The following FGFR1OP2 variants were observed in gnomAD, a reference collection of about 807,000 sequenced individuals.
FGFR1OP2 encodes the protein fibroblast growth factor receptor 1 oncogene partner 2.
In FGFR1OP2, 17 loss-of-function variants were observed where a neutral mutation model predicts 35.2. The ratio of observed to expected loss-of-function variants is 0.48; its 90% confidence interval spans 0.33 to 0.73. FGFR1OP2 has a LOEUF of 0.73. FGFR1OP2 is among the 30% of genes least tolerant of loss of function. The pLI is 0.02. For synonymous variants in FGFR1OP2, 105 were observed against 104.6 expected (o/e 1.00, Z -0.03); for missense variants, 251 against 307.3 (o/e 0.82, Z 1.37).
At chr12:26,958,998 T>C (rs773700077) in intron 4 of FGFR1OP2, among the ~76,000 whole-genome samples, 8 of 152,142 alleles carry the variant, frequency 5.3e-5, no homozygotes, top group Non-Finnish European at 8.8e-5. Flanking sequence ...TTATCTATTA[T>C]TGAAACACAT....
chr12:26,949,211 C>G (rs1201041957), intron 1 of FGFR1OP2, among the ~76,000 whole-genome samples: 1 of 152,112 alleles, frequency 6.6e-6, no homozygotes, highest in African/African-American at 2.4e-5. Context: ...TCTCAGCTCA[C>G]TGCAACCTCC....
chr12:26,956,842 CT>C (rs112845177), intron 3 of FGFR1OP2, among the ~76,000 whole-genome samples, 182 bp downstream of exon 3: 19,990 of 152,122 alleles, frequency 0.13, 1,303 homozygotes, highest in South Asian at 0.16. Context: ...GCTTCATTCT[CT>C]GCAGTCCCAC....
rs199679959 is a variant in FGFR1OP2, at chr12:26,964,762, A to G, written c.*29A>G. ...GTTTCTGAGTCTGTGAGCTTCTTAC[A>G]TGGCTCCAAATGGTCAAATAAGTGA... On this transcript the variant is annotated 3_prime_UTR_variant, in exon 7 of 7. Transcript: ENST00000229395. 16 of 1,591,832 alleles carry G rather than the reference A, an allele frequency of 1.0e-5. No homozygotes were observed. The highest frequency in any genetic ancestry group is 1.3e-5 in the Non-Finnish European group (15 of 1,169,068).
At chr12:26,951,897 TAGAG>T (rs1938934477) in intron 1 of FGFR1OP2, among the ~76,000 whole-genome samples, 1 of 152,188 alleles carries the variant, frequency 6.6e-6, no homozygotes, top group South Asian at 2.1e-4. Flanking sequence ...TTAGGACTGT[TAGAG>T]AGTTCTATTA....
rs1168924529 is a variant in FGFR1OP2 at position 26,966,640 on chromosome 12, TA to T, written c.*1911del. On this transcript the variant is annotated 3_prime_UTR_variant, in exon 7 of 7. Coordinates refer to ENST00000229395, the MANE Select transcript of FGFR1OP2 (RefSeq NM_015633.3). ...TATTTTATTATTAAAGATGAATGAT[TA>T]AAATTGGTATGGTCTCCAATTTAAT... is the stretch of plus-strand genomic sequence containing the variant. 2 of 152,088 alleles carry T rather than the reference TA, an allele frequency of 1.3e-5. No individual in the cohort carries two copies. Among genetic ancestry groups the T allele is most frequent in the Non-Finnish European group, 2.9e-5 (2 of 68,010 alleles). 9.4% of individuals were successfully genotyped at this position (152,088 alleles called of 1,614,324 possible).
intron 1 of FGFR1OP2, among the ~76,000 whole-genome samples, chr12:26,949,166 G>A (rs940259071): frequency 1.3e-5 from 2 of 152,002 alleles, no homozygotes; most frequent in African/African-American, 2.4e-5. Flanking sequence ...ATGGAGTTTC[G>A]CTTTTGTTGC....
Position 26,956,662 on chromosome 12 carries a change from TA to T in FGFR1OP2, c.253+4del. On this transcript the variant is annotated splice_donor_region_variant and intron_variant, in intron 3 of 6. Transcript: ENST00000229395. Reference sequence around the variant, plus strand: ...GAGAGTTGCAACAAGAAAACAAAGGTAAGATACGTTACTTTTTGACATTAAT... The same window carrying T: ...GAGAGTTGCAACAAGAAAACAAAGGTAGATACGTTACTTTTTGACATTAAT... 1 of 1,546,744 alleles carries T rather than the reference TA, an allele frequency of 6.5e-7. No individual in the cohort carries two copies.
chr12:26,951,809 A>G (rs1055254331), intron 1 of FGFR1OP2, among the ~76,000 whole-genome samples: 2 of 152,136 alleles, frequency 1.3e-5, no homozygotes, highest in South Asian at 2.1e-4. Context: ...GATCCTGTCT[A>G]TTGCATTTGT....
chr12:26,964,764 G>A lies in FGFR1OP2; in HGVS notation c.*31G>A, dbSNP rs765970740. 1.3e-6 allele frequency: 2 copies of A among 1,591,676 alleles called. No individual in the cohort carries two copies. The highest frequency in any genetic ancestry group is 1.1e-5 in the South Asian group (1 of 89,776). On this transcript the variant is annotated 3_prime_UTR_variant, in exon 7 of 7. Transcript: ENST00000229395. ...TTCTGAGTCTGTGAGCTTCTTACAT[G>A]GCTCCAAATGGTCAAATAAGTGAAT...
chr12:26,961,890 C>T (rs1377165378), intron 5 of FGFR1OP2: 1 of 152,210 alleles, frequency 6.6e-6, no homozygotes, highest in Non-Finnish European at 1.5e-5. Context: ...TGTACTTAAC[C>T]TGCTTTTACA....
At chr12:26,942,468 T>C (rs1938751737) in intron 1 of FGFR1OP2, among the ~76,000 whole-genome samples, 1 of 152,246 alleles carries the variant, frequency 6.6e-6, no homozygotes, top group Non-Finnish European at 1.5e-5. Flanking sequence ...ATTAAAATTA[T>C]TACGTAACAG....
intron 1 of FGFR1OP2, among the ~76,000 whole-genome samples, chr12:26,949,024 A>T (rs541339698): frequency 6.6e-6 from 1 of 152,346 alleles, no homozygotes; most frequent in South Asian, 2.1e-4. Context: ...AAACTTAAAA[A>T]AATAATAATA....
At chr12:26,961,629 T>G (rs1939107143) in intron 5 of FGFR1OP2, 1 of 152,076 alleles carries the variant, frequency 6.6e-6, no homozygotes, top group Admixed American at 6.6e-5. Context: ...TCCCAGCTGC[T>G]CGGGAGGCTA....
chr12:26,954,471 TATTTCTAAACCCTAG>T, intron 2 of FGFR1OP2, among the ~76,000 whole-genome samples, 178 bp downstream of exon 2: 1 of 152,382 alleles, frequency 6.6e-6, no homozygotes, highest in South Asian at 2.1e-4. Context: ...CCTAGACATA[TATTTCTAAACCCTAG>T]ATTTGATCAC....
chr12:26,960,856 T>C, intron 5 of FGFR1OP2: 1 of 482,062 alleles, frequency 2.1e-6, no homozygotes, highest in Non-Finnish European at 3.1e-6. Flanking sequence ...TTGCAGGTTT[T>C]ATAGGTTATT....
At chr12:26,958,147 G>A (rs1592252967) in intron 4 of FGFR1OP2, among the ~76,000 whole-genome samples, 1 of 152,134 alleles carries the variant, frequency 6.6e-6, no homozygotes, top group African/African-American at 2.4e-5. Context: ...GATCACTTGA[G>A]GCCAGAAGTT....
intron 4 of FGFR1OP2, among the ~76,000 whole-genome samples, chr12:26,959,411 CTT>C (rs1489458006): frequency 1.3e-5 from 2 of 152,058 alleles, no homozygotes; most frequent in East Asian, 3.9e-4. Context: ...TAAATATAAT[CTT>C]GAGAATTTCT....
chr12:26,944,165 A>T (rs540136578), intron 1 of FGFR1OP2, among the ~76,000 whole-genome samples: 2 of 152,258 alleles, frequency 1.3e-5, no homozygotes, highest in South Asian at 4.1e-4. Context: ...TAGTAGTTTT[A>T]GGAGTTCTTT....
At chr12:26,955,107 A>G (rs1296911368) in intron 2 of FGFR1OP2, among the ~76,000 whole-genome samples, 1 of 152,180 alleles carries the variant, frequency 6.6e-6, no homozygotes, top group Admixed American at 6.5e-5. Context: ...TGCATCCCTA[A>G]CCAACTGTCC....
Sources: allele counts gnomAD v4.1 joint callset (sites outside exome capture counted in the v4.1 genomes callset), GRCh38; gene constraint gnomAD v4.1.1; transcripts MANE v1.5; gene names NCBI Gene and HGNC (gene_info 2026-07-23, HGNC 2026-07-21).